The following TTC28 variants were observed in gnomAD, a reference collection of about 807,000 sequenced individuals.
TTC28 encodes tetratricopeptide repeat domain 28, also known as tetratricopeptide repeat protein 28.
A neutral mutation model predicts 198.0 loss-of-function variants in TTC28; 61 were observed. The ratio of observed to expected loss-of-function variants is 0.31; its 90% CI spans 0.25 to 0.38. The LOEUF (loss-of-function observed/expected upper bound fraction) is 0.38. Among genes scored for constraint, TTC28 ranks in the 10% least tolerant of loss-of-function variants. TTC28 has a pLI of 1.00. For missense variants in TTC28, 2,678 were observed against 3,164.0 expected (o/e 0.85, Z 3.69); for synonymous variants, 1,171 against 1,297.8 (o/e 0.90, Z 2.10).
At chr22:28,235,869 T>C (rs1929206452) in intron 5 of TTC28, among the ~76,000 whole-genome samples, 1 of 152,262 alleles carries the variant, frequency 6.6e-6, no homozygotes. Context: ...CTACAATTCC[T>C]GGAACCCTCT....
At chr22:28,306,175 G>T (rs2045140929) in intron 3 of TTC28, among the ~76,000 whole-genome samples, 1 of 152,050 alleles carries the variant, frequency 6.6e-6, no homozygotes, top group South Asian at 2.1e-4. Context: ...TCAGACTACA[G>T]AAAAACTATA....
chr22:28,003,843 G>C (rs1937814111), intron 14 of TTC28, among the ~76,000 whole-genome samples: 1 of 152,198 alleles, frequency 6.6e-6, no homozygotes, highest in Admixed American at 6.5e-5. Flanking sequence ...ACTCCACCAG[G>C]GGTGGGGGGC....
At chr22:28,259,343 C>T (rs1281003396) in intron 5 of TTC28, among the ~76,000 whole-genome samples, 1 of 151,676 alleles carries the variant, frequency 6.6e-6, no homozygotes, top group East Asian at 1.9e-4. Flanking sequence ...GATGAAAAAC[C>T]AAATAGTGTA....
At chr22:28,559,925 T>G (rs1239589571) in intron 2 of TTC28, among the ~76,000 whole-genome samples, 1 of 152,228 alleles carries the variant, frequency 6.6e-6, no homozygotes, top group African/African-American at 2.4e-5. Flanking sequence ...ATTTATAGCT[T>G]GAGCCCTGAT....
intron 2 of TTC28, among the ~76,000 whole-genome samples, chr22:28,333,037 C>T (rs921716637): frequency 2.0e-5 from 3 of 152,122 alleles, no homozygotes; most frequent in Non-Finnish European, 4.4e-5. Context: ...AGTGCTTACA[C>T]TGATTTCATT....
intron 1 of TTC28, among the ~76,000 whole-genome samples, chr22:28,630,213 C>T (rs537277041): frequency 6.6e-6 from 1 of 152,308 alleles, no homozygotes; most frequent in African/African-American, 2.4e-5. Context: ...TAATCCTGAA[C>T]TTTCCAATCA....
intron 2 of TTC28, among the ~76,000 whole-genome samples, chr22:28,452,376 C>T (rs190293668): frequency 0.011 from 1,103 of 104,866 alleles, 26 homozygotes; most frequent in Middle Eastern, 0.073. Context: ...GGCAACAGAG[C>T]GAGATTCCAT....
intron 12 of TTC28, among the ~76,000 whole-genome samples, chr22:28,072,656 A>G (rs1379970727): frequency 6.6e-6 from 1 of 152,194 alleles, no homozygotes; most frequent in African/African-American, 2.4e-5. Flanking sequence ...CCTGCCTTCA[A>G]TGCATACTGA....
chr22:28,164,830 T>C lies in TTC28; in HGVS notation c.934-1231A>G, dbSNP rs181772571. On this transcript the variant is annotated intron_variant, in intron 5 of 22. Transcript: ENST00000397906. Reference sequence around the variant, plus strand: ...CAAGTTGAGAGAAGAAGGCTTAAAATGATCAATGACGAGTTGAGAGAAGAA... The same window carrying C: ...CAAGTTGAGAGAAGAAGGCTTAAAACGATCAATGACGAGTTGAGAGAAGAA... Among the ~76,000 whole-genome samples, 476 of 152,124 alleles carry C rather than the reference T, an allele frequency of 3.1e-3. 2 individuals carry two copies. Among genetic ancestry groups the C allele is most frequent in the African/African-American group, 0.011 (460 of 41,484 alleles).
intron 2 of TTC28, among the ~76,000 whole-genome samples, chr22:28,552,364 G>A (rs901376819): frequency 7.2e-5 from 11 of 151,730 alleles, no homozygotes; most frequent in African/African-American, 2.2e-4. Flanking sequence ...AAATCTTCAC[G>A]GAACGAGAAA....
At chr22:28,122,627 T>C (rs1451414969) in intron 6 of TTC28, among the ~76,000 whole-genome samples, 1 of 152,202 alleles carries the variant, frequency 6.6e-6, no homozygotes, top group Non-Finnish European at 1.5e-5. Flanking sequence ...TCATATTATA[T>C]GCACTGATTT....
intron 6 of TTC28, among the ~76,000 whole-genome samples, chr22:28,129,493 T>A (rs1943004462): frequency 6.6e-6 from 1 of 152,228 alleles, no homozygotes; most frequent in Admixed American, 6.5e-5. Context: ...AAGGATTTAA[T>A]CTGGCTCTGG....
intron 2 of TTC28, among the ~76,000 whole-genome samples, chr22:28,421,404 T>A (rs1350422715): frequency 6.6e-6 from 1 of 152,182 alleles, no homozygotes; most frequent in African/African-American, 2.4e-5. Flanking sequence ...GGTAATTAAT[T>A]GACTTTTTGA....
intron 2 of TTC28, among the ~76,000 whole-genome samples, chr22:28,485,495 A>T (rs1368817392): frequency 6.6e-6 from 1 of 152,170 alleles, no homozygotes; most frequent in Non-Finnish European, 1.5e-5. Context: ...GTTGGCTTTA[A>T]ATATATTCAT....
At chr22:28,161,280 C>T (rs1328570338) in intron 6 of TTC28, among the ~76,000 whole-genome samples, 1 of 152,130 alleles carries the variant, frequency 6.6e-6, no homozygotes, top group Non-Finnish European at 1.5e-5. Flanking sequence ...GCCTGTCATC[C>T]CAACACTCTG....
intron 1 of TTC28, among the ~76,000 whole-genome samples, chr22:28,674,910 T>C (rs1160230098): frequency 2.6e-5 from 4 of 151,806 alleles, no homozygotes; most frequent in Non-Finnish European, 4.4e-5. Context: ...TAAAATCCAT[T>C]TGGAAATATA....
At chr22:28,078,936 G>C (rs972265948) in intron 12 of TTC28, among the ~76,000 whole-genome samples, 1 of 152,168 alleles carries the variant, frequency 6.6e-6, no homozygotes, top group African/African-American at 2.4e-5. Flanking sequence ...TCTAAGGTGG[G>C]AAAGCCCTTG....
At chr22:28,130,773 T>C (rs983798771) in intron 6 of TTC28, among the ~76,000 whole-genome samples, 7 of 152,354 alleles carry the variant, frequency 4.6e-5, no homozygotes, top group African/African-American at 1.7e-4. Flanking sequence ...TTCCTTTCAG[T>C]CCTGTGGGTT....
intron 2 of TTC28, among the ~76,000 whole-genome samples, chr22:28,354,947 A>G (rs1026436214): frequency 1.3e-5 from 2 of 149,252 alleles, no homozygotes; most frequent in Non-Finnish European, 1.5e-5. Flanking sequence ...AGCATTAGGT[A>G]TATCTCCCGA....
Sources: gnomAD v4.1 joint callset for allele counts (sites outside exome capture counted in the v4.1 genomes callset) on GRCh38, gnomAD v4.1.1 for gene constraint, MANE v1.5 for transcripts, NCBI Gene and HGNC (gene_info 2026-07-23, HGNC 2026-07-21) for gene names.